FOXP2: variants seen among roughly 807,000 people sequenced by gnomAD.
The protein encoded by FOXP2 is forkhead box protein P2.
A neutral mutation model predicts 115.8 loss-of-function variants in FOXP2; 12 were observed. That is an observed-to-expected ratio of 0.10 (90% confidence interval 0.07 to 0.17). The LOEUF (loss-of-function observed/expected upper bound fraction) is 0.17. Ranked by LOEUF, FOXP2 falls within the 10% of genes least tolerant of loss-of-function variation. The pLI is 1.00. For synonymous variants in FOXP2, 328 were observed against 297.7 expected (o/e 1.10, Z -1.05); for missense variants, 629 against 843.5 (o/e 0.75, Z 3.15).
intron 16 of FOXP2, among the ~76,000 whole-genome samples, chr7:114,675,652 G>A (rs1262408739): frequency 6.6e-6 from 1 of 152,020 alleles, no homozygotes; most frequent in African/African-American, 2.4e-5. Context: ...CAATAATCTT[G>A]TGCCAAGTAC....
intron 1 of FOXP2, among the ~76,000 whole-genome samples, chr7:114,114,953 G>T (rs929046888): frequency 3.3e-5 from 5 of 152,040 alleles, no homozygotes; most frequent in Non-Finnish European, 5.9e-5. Context: ...ATTTGAAAAC[G>T]TTTGTGTAAA....
chr7:114,145,477 T>TTTTCTTTTCTTTTCTTTTC (rs1792345135), intron 1 of FOXP2, among the ~76,000 whole-genome samples: 1 of 145,426 alleles, frequency 6.9e-6, no homozygotes, highest in Admixed American at 6.9e-5. Context: ...TTTTCTTTTC[T>TTTTCTTTTCTTTTCTTTTC]TTTCTTTTCT....
intron 2 of FOXP2, among the ~76,000 whole-genome samples, chr7:114,299,297 G>T (rs1796822273): frequency 6.6e-6 from 1 of 151,988 alleles, no homozygotes; most frequent in Admixed American, 6.5e-5. Flanking sequence ...GAAGCTGTTA[G>T]TTGTCATTCC....
rs563959705 is a variant in FOXP2 at position 114,201,679 on chromosome 7, G to A, written c.-102+38591G>A. On this transcript the variant is annotated intron_variant, in intron 1 of 17. Transcript: ENST00000634411. ...AAGCATGTCTAGAACCAAATCATAC[G>A]CTTGATAATATAGTGCTAGAGTCAC... is the stretch of plus-strand genomic sequence containing the variant. 4.7e-4 allele frequency among the ~76,000 whole-genome samples: 71 copies of A among 152,094 alleles called. 1 individual carries two copies. The South Asian group carries it at 0.013, about 28-fold the overall frequency.
rs1324949956 is a variant in FOXP2, at chr7:114,181,875, T to C, written c.-102+18787T>C. 6.6e-5 allele frequency among the ~76,000 whole-genome samples: 10 copies of C among 152,262 alleles called. No individual in the cohort carries two copies. In the East Asian group the frequency reaches 1.5e-3, roughly 23 times the overall value. On this transcript the variant is annotated intron_variant, in intron 1 of 17. Transcript: ENST00000634411. ...TATATCTGTAGAATGGTTCAACTTCTATGCCAGTTAAAGTTAACCTTGCTT... is the reference window on the plus strand; with the variant it reads ...TATATCTGTAGAATGGTTCAACTTCCATGCCAGTTAAAGTTAACCTTGCTT...
In FOXP2 at chr7:114,587,879, A is replaced by ATATATATATATAAAGGTGCC; in HGVS notation, c.259-40661_259-40660insTATATATATATAAAGGTGCC. Among the ~76,000 whole-genome samples the ATATATATATATAAAGGTGCC allele has an allele frequency of 1.4e-4, 11 of 76,798 alleles. 2 individuals are homozygous for ATATATATATATAAAGGTGCC. The highest frequency in any genetic ancestry group is 7.0e-4 in the Admixed American group (4 of 5,686). 50.4% of individuals were successfully genotyped at this position (76,798 alleles called of 152,430 possible). A position where few individuals can be genotyped will look rare whatever the true frequency, so the allele number is the denominator to read the frequency against. ...CTAATTGGGTGAATAAGAGATAATT[A>ATATATATATATAAAGGTGCC]AATCCACCTTTCTTAGTGCCTTATT... On this transcript the variant is annotated intron_variant, in intron 3 of 16. Transcript: ENST00000350908.
intron 3 of FOXP2, among the ~76,000 whole-genome samples, chr7:114,581,109 G>T (rs1233334758): frequency 1.0e-5 from 1 of 98,328 alleles, no homozygotes; most frequent in Non-Finnish European, 2.1e-5. Context: ...ACACACACAA[G>T]CACACGGACA....
intron 1 of FOXP2, among the ~76,000 whole-genome samples, chr7:114,182,450 G>A (rs1793481650): frequency 6.6e-6 from 1 of 151,990 alleles, no homozygotes; most frequent in Non-Finnish European, 1.5e-5. Context: ...TAACTAGTAG[G>A]TGAGTTTAAA....
intron 3 of FOXP2, among the ~76,000 whole-genome samples, chr7:114,535,325 G>C (rs991475045): frequency 6.6e-6 from 1 of 150,990 alleles, no homozygotes; most frequent in Non-Finnish European, 1.5e-5. Context: ...AAAATATGTG[G>C]GACATTTTCT....
At chr7:114,164,548 G>T (rs575448241) in intron 1 of FOXP2, among the ~76,000 whole-genome samples, 1 of 151,982 alleles carries the variant, frequency 6.6e-6, no homozygotes, top group South Asian at 2.1e-4. Flanking sequence ...GTTTCACCAT[G>T]TTGGCCTGGT....
At chr7:114,297,071 C>G in intron 2 of FOXP2, 1 of 381,442 alleles carries the variant, frequency 2.6e-6, no homozygotes, top group Non-Finnish European at 5.2e-6. Context: ...TTTTTCCTGT[C>G]AAGCTGCCCT....
rs147511605 is a variant in FOXP2 at position 114,186,990 on chromosome 7, T to A, written c.-102+23902T>A. Among the ~76,000 whole-genome samples, 3 of 152,314 alleles carry A rather than the reference T, an allele frequency of 2.0e-5. No homozygotes were observed. In the East Asian group the frequency reaches 5.8e-4, roughly 29 times the overall value. ...CCCTGGGTTTCTCTTTCAAAGCTTT[T>A]CTGCCGTCAAGCATGTGATGGGAGG... On this transcript the variant is annotated intron_variant, in intron 1 of 17. Transcript: ENST00000634411.
intron 2 of FOXP2, among the ~76,000 whole-genome samples, chr7:114,534,405 G>A (rs1215229635): frequency 6.6e-6 from 1 of 151,738 alleles, no homozygotes; most frequent in African/African-American, 2.4e-5. Flanking sequence ...TTTATTTCCT[G>A]TAGGATTGCA....
Position 114,459,556 on chromosome 7 carries a change from G to A in FOXP2, c.168+32877G>A, listed in dbSNP as rs1028918907. On this transcript the variant is annotated intron_variant, in intron 2 of 16. Transcript: ENST00000350908. ...AATAAGGTTATCAAATCTTCACTCA[G>A]TTGTCCACAGTAGTTTTGTTGTTGT... Among the ~76,000 whole-genome samples, 12 of 152,140 alleles carry A rather than the reference G, an allele frequency of 7.9e-5. No homozygotes were observed. In the East Asian group the frequency reaches 2.3e-3, roughly 29 times the overall value.
intron 16 of FOXP2, among the ~76,000 whole-genome samples, chr7:114,676,320 T>G (rs1282271860): frequency 6.6e-6 from 1 of 152,110 alleles, no homozygotes; most frequent in Non-Finnish European, 1.5e-5. Context: ...CAAGACACTT[T>G]AAAATAAAGG....
At chr7:114,195,819 T>A (rs769447478) in intron 1 of FOXP2, among the ~76,000 whole-genome samples, 13 of 152,128 alleles carry the variant, frequency 8.5e-5, no homozygotes, top group Non-Finnish European at 1.9e-4. Flanking sequence ...CAAAATAAAC[T>A]ATTTTGTGAC....
chr7:114,684,337 G>A (rs1482759899), intron 16 of FOXP2, among the ~76,000 whole-genome samples: 12 of 152,184 alleles, frequency 7.9e-5, no homozygotes, highest in Non-Finnish European at 1.6e-4. Context: ...TTCAGAAACT[G>A]TCAGAGGAGG....
chr7:114,386,744 AT>A (rs1792465119), intron 2 of FOXP2, among the ~76,000 whole-genome samples: 2 of 152,222 alleles, frequency 1.3e-5, no homozygotes, highest in South Asian at 4.1e-4. Context: ...TTCTTAAACT[AT>A]TTGGGGATCA....
chr7:114,218,133 C>A (rs1584553255), intron 1 of FOXP2, among the ~76,000 whole-genome samples: 1 of 152,166 alleles, frequency 6.6e-6, no homozygotes, highest in South Asian at 2.1e-4. Context: ...AAAGTGCTAA[C>A]ACTCATAAAC....
Sources: allele counts gnomAD v4.1 joint callset (sites outside exome capture counted in the v4.1 genomes callset), GRCh38; gene constraint gnomAD v4.1.1; transcripts MANE v1.5; gene names NCBI Gene and HGNC (gene_info 2026-07-23, HGNC 2026-07-21).